NLGN1: variants seen among roughly 807,000 people sequenced by gnomAD.
NLGN1 encodes the protein neuroligin-1.
Under a neutral mutation model 65.5 loss-of-function variants are expected in NLGN1, and 12 were observed. The ratio of observed to expected loss-of-function variants is 0.18; its 90% CI spans 0.12 to 0.30. The LOEUF is 0.30. Among genes scored for constraint, NLGN1 ranks in the 10% least tolerant of loss-of-function variants. The pLI is 1.00. For missense variants in NLGN1, 750 were observed against 1,007.1 expected (o/e 0.74, Z 3.46); for synonymous variants, 350 against 359.5 (o/e 0.97, Z 0.30).
intron 4 of NLGN1, among the ~76,000 whole-genome samples, chr3:174,085,218 T>G: frequency 6.6e-6 from 1 of 151,998 alleles, no homozygotes; most frequent in East Asian, 1.9e-4. Flanking sequence ...TACTGTATGT[T>G]TGAAAATTTT....
intron 2 of NLGN1, among the ~76,000 whole-genome samples, chr3:173,498,867 T>C (rs1298187532): frequency 1.1e-4 from 17 of 152,032 alleles, no homozygotes; most frequent in African/African-American, 1.5e-4. Flanking sequence ...GAGAAGTGTC[T>C]GTTCATATCC....
chr3:173,998,836 C>T (rs1218544030), intron 4 of NLGN1, among the ~76,000 whole-genome samples: 1 of 152,194 alleles, frequency 6.6e-6, no homozygotes, highest in Non-Finnish European at 1.5e-5. Flanking sequence ...ATTCGGAGCT[C>T]TGCACATTAT....
chr3:173,447,298 C>T (rs888245762), intron 2 of NLGN1, among the ~76,000 whole-genome samples: 2 of 152,152 alleles, frequency 1.3e-5, no homozygotes, highest in African/African-American at 4.8e-5. Flanking sequence ...GCCAGTTTTC[C>T]CAGCACCATT....
intron 4 of NLGN1, among the ~76,000 whole-genome samples, chr3:173,979,869 G>A (rs1718370874): frequency 6.6e-6 from 1 of 151,958 alleles, no homozygotes; most frequent in Non-Finnish European, 1.5e-5. Context: ...TTATATATAA[G>A]AATACTCAAC....
At chr3:174,028,271 A>G (rs1729248761) in intron 4 of NLGN1, among the ~76,000 whole-genome samples, 1 of 152,206 alleles carries the variant, frequency 6.6e-6, no homozygotes, top group Non-Finnish European at 1.5e-5. Flanking sequence ...GCTCAGAAGA[A>G]GACAGGAAGA....
At chr3:173,564,208 A>C (rs1159859257) in intron 2 of NLGN1, among the ~76,000 whole-genome samples, 1 of 152,110 alleles carries the variant, frequency 6.6e-6, no homozygotes. Context: ...TTCTCATCAC[A>C]CCTTCCACGT....
intron 1 of NLGN1, among the ~76,000 whole-genome samples, chr3:173,422,061 T>A (rs1715175083): frequency 6.6e-6 from 1 of 151,422 alleles, no homozygotes; most frequent in African/African-American, 2.4e-5. Flanking sequence ...ACAAATAAAC[T>A]CAAACACTTA....
At chr3:174,022,890 G>T (rs73880315) in intron 4 of NLGN1, among the ~76,000 whole-genome samples, 1 of 152,004 alleles carries the variant, frequency 6.6e-6, no homozygotes, top group African/African-American at 2.4e-5. Context: ...TTTAGAGCTG[G>T]GTGTTGCTTA....
At chr3:173,941,036 T>G (rs1019407635) in intron 4 of NLGN1, among the ~76,000 whole-genome samples, 7 of 152,208 alleles carry the variant, frequency 4.6e-5, no homozygotes, top group African/African-American at 1.4e-4. Context: ...AAGGGACTTC[T>G]GTGTAGCTTT....
intron 4 of NLGN1, among the ~76,000 whole-genome samples, chr3:174,201,935 A>G (rs529235617): frequency 3.5e-4 from 54 of 152,114 alleles, no homozygotes; most frequent in African/African-American, 1.3e-3. Flanking sequence ...TTATCATTCA[A>G]ATTTTCTTTC....
At chr3:174,166,179 G>A (rs887332787) in intron 4 of NLGN1, among the ~76,000 whole-genome samples, 1 of 151,528 alleles carries the variant, frequency 6.6e-6, no homozygotes, top group Non-Finnish European at 1.5e-5. Context: ...CAGATTTTGA[G>A]GTCTCAATTT....
rs189101193 is a variant in NLGN1, at chr3:173,854,077, A to G, written c.646+46245A>G. Among the ~76,000 whole-genome samples the G allele has an allele frequency of 1.7e-3, 264 of 152,092 alleles. 1 individual carries two copies. The highest frequency in any genetic ancestry group is 5.5e-3 in the African/African-American group (230 of 41,556). ...CTAAACTCTTAAAATTCAAACATCAATCCCTCATTTTATCAGTTTTATGCT... is the reference window on the plus strand; with the variant it reads ...CTAAACTCTTAAAATTCAAACATCAGTCCCTCATTTTATCAGTTTTATGCT... On this transcript the variant is annotated intron_variant, in intron 4 of 6. Transcript: ENST00000457714.
intron 2 of NLGN1, among the ~76,000 whole-genome samples, chr3:173,537,794 A>C (rs1054013086): frequency 6.6e-6 from 1 of 152,116 alleles, no homozygotes; most frequent in Non-Finnish European, 1.5e-5. Context: ...GGACATAGTG[A>C]TATCAAGAGA....
chr3:173,984,075 T>C (rs189373567), intron 4 of NLGN1, among the ~76,000 whole-genome samples: 1 of 152,156 alleles, frequency 6.6e-6, no homozygotes, highest in Non-Finnish European at 1.5e-5. Flanking sequence ...AGCAAAACAA[T>C]GTGATGCCCC....
At chr3:173,822,948 A>G (rs1720610790) in intron 4 of NLGN1, among the ~76,000 whole-genome samples, 1 of 151,880 alleles carries the variant, frequency 6.6e-6, no homozygotes, top group Non-Finnish European at 1.5e-5. Context: ...AAAACCTGCT[A>G]TTTTTTGGAA....
chr3:173,604,691 C>T, exon 3 of NLGN1: 2 of 1,613,732 alleles, frequency 1.2e-6, no homozygotes, highest in Non-Finnish European at 1.7e-6. Context: ...CATTGACTCT[C>T]TGTATGTTGG....
chr3:173,443,651 T>G (rs1719637793), intron 2 of NLGN1, among the ~76,000 whole-genome samples: 1 of 152,202 alleles, frequency 6.6e-6, no homozygotes, highest in Non-Finnish European at 1.5e-5. Flanking sequence ...TCTGGCAATT[T>G]ATGAATTTTT....
intron 2 of NLGN1, among the ~76,000 whole-genome samples, chr3:173,582,383 T>A (rs1290018100): frequency 6.6e-6 from 1 of 152,098 alleles, no homozygotes; most frequent in East Asian, 1.9e-4. Flanking sequence ...ATAAAAATGT[T>A]CAACTATTGC....
At chr3:174,068,951 CGTGAGAGAAATGAGTTG>C (rs1560967857) in intron 4 of NLGN1, among the ~76,000 whole-genome samples, 1 of 151,998 alleles carries the variant, frequency 6.6e-6, no homozygotes, top group East Asian at 1.9e-4. Context: ...TAACATGCCA[CGTGAGAGAAATGAGTTG>C]GTGGGAGAAA....
Sources: allele counts gnomAD v4.1 joint callset (sites outside exome capture counted in the v4.1 genomes callset), GRCh38; gene constraint gnomAD v4.1.1; transcripts MANE v1.5; gene names NCBI Gene and HGNC (gene_info 2026-07-23, HGNC 2026-07-21).